POLH: variants seen among roughly 807,000 people sequenced by gnomAD.
POLH encodes DNA polymerase eta transcript.
In POLH, 53 loss-of-function variants were observed where a neutral mutation model predicts 73.6. That is an observed-to-expected ratio of 0.72 (90% CI 0.58 to 0.91). The LOEUF (loss-of-function observed/expected upper bound fraction) is 0.91. POLH is among the 40% of genes least tolerant of loss of function. POLH has a pLI of 0.00. For synonymous variants in POLH, 292 were observed against 308.5 expected, an observed-to-expected ratio of 0.95 and a Z score of 0.56; for missense variants, 768 against 865.4, an observed-to-expected ratio of 0.89 and a Z score of 1.41.
chr6:43,619,563 G>A lies in POLH; in HGVS notation c.*5006G>A, dbSNP rs1020762992. 3.9e-5 allele frequency among the ~76,000 whole-genome samples: 6 copies of A among 152,048 alleles called. No individual in the cohort carries two copies. The highest frequency in any genetic ancestry group is 2.6e-4 in the Admixed American group (4 of 15,248). ...TTACCACAATTGGGATCATAAACAT[G>A]TATAAACTCCTTGGGAGTCTGCCTT... On this transcript the variant is annotated 3_prime_UTR_variant, in exon 11 of 11. Coordinates refer to ENST00000372236, the MANE Select transcript of POLH (RefSeq NM_006502.3).
At chr6:43,611,959 G>A (rs1767933994) in intron 10 of POLH, among the ~76,000 whole-genome samples, 1 of 152,088 alleles carries the variant, frequency 6.6e-6, no homozygotes, top group African/African-American at 2.4e-5. Flanking sequence ...GGGAGGCTGA[G>A]GCAGGAGAAT....
At chr6:43,600,918 G>A (rs1341589797) in intron 5 of POLH, 70 bp from the exon 6 acceptor site, 4 of 898,744 alleles carry the variant, frequency 4.5e-6, no homozygotes, top group South Asian at 2.6e-5. Flanking sequence ...TGTATGTTAT[G>A]TGTATGTTTA....
intron 4 of POLH, among the ~76,000 whole-genome samples, chr6:43,589,986 CTGTA>C (rs1196785900): frequency 2.0e-5 from 3 of 151,630 alleles, no homozygotes; most frequent in African/African-American, 7.3e-5. Context: ...GTGATATAAT[CTGTA>C]TGAAGTGTTT....
chr6:43,601,243 C>CA (rs1335025356), intron 6 of POLH, 152 bp downstream of exon 6: 5 of 662,816 alleles, frequency 7.5e-6, no homozygotes, highest in Non-Finnish European at 1.1e-5. Context: ...TTTTGAAACA[C>CA]ACGCTGAGAC....
At position 43,614,485 on chromosome 6, in the gene POLH, C is replaced by T. The variant is rs1582326894; in HGVS notation, c.2070C>T (p.Ala690=). 1 of 1,614,040 alleles carries T rather than the reference C, an allele frequency of 6.2e-7. No individual in the cohort carries two copies. The highest frequency in any genetic ancestry group is 1.7e-5 in the Admixed American group (1 of 60,002). ...QGKRNPKSPL[A]CTNKRPRPEG... is the part of the protein sequence containing the mutation. ...AAAGAAATCCCAAGAGCCCTTTGGC[C>T]TGCACTAATAAACGCCCCAGGCCTG... Residue 690 remains alanine, a synonymous_variant, in exon 11 of 11, where the codon GCC becomes GCT. Coordinates refer to ENST00000372236, the MANE Select transcript of POLH (RefSeq NM_006502.3).
At chr6:43,600,722 A>G (rs1189611164) in intron 5 of POLH, among the ~76,000 whole-genome samples, 1 of 152,210 alleles carries the variant, frequency 6.6e-6, no homozygotes, top group Non-Finnish European at 1.5e-5. Flanking sequence ...GATGGGAAGG[A>G]AAAAATGACT....
At chr6:43,577,045 G>A (rs1561892643) in intron 1 of POLH, among the ~76,000 whole-genome samples, 1 of 152,124 alleles carries the variant, frequency 6.6e-6, no homozygotes, top group African/African-American at 2.4e-5. Context: ...CAGGCGTGGC[G>A]GTGCGCGCCT....
chr6:43,594,665 C>T (rs1378726204), intron 4 of POLH, among the ~76,000 whole-genome samples: 3 of 152,104 alleles, frequency 2.0e-5, no homozygotes, highest in Non-Finnish European at 4.4e-5. Flanking sequence ...TGCACTCTAG[C>T]CTGGGCAACA....
At chr6:43,604,063 C>T in intron 7 of POLH, 52 bp downstream of exon 7, 1 of 1,404,610 alleles carries the variant, frequency 7.1e-7, no homozygotes, top group Non-Finnish European at 1.0e-6. Context: ...ATGCTATATT[C>T]AAATATAGAC....
At chr6:43,587,775 TC>T (rs879579269) in intron 4 of POLH, among the ~76,000 whole-genome samples, 5 of 152,208 alleles carry the variant, frequency 3.3e-5, no homozygotes, top group Admixed American at 6.6e-5. Flanking sequence ...ACGCTTCTAA[TC>T]CCAGCACTTT....
rs769066476 is a variant in POLH, at chr6:43,615,523, C to T, written c.*966C>T. 1 of 152,052 alleles carries T rather than the reference C, an allele frequency of 6.6e-6. No individual in the cohort carries two copies. Among genetic ancestry groups the T allele is most frequent in the Non-Finnish European group, 1.5e-5 (1 of 68,060 alleles). 9.4% of individuals were successfully genotyped at this position (152,052 alleles called of 1,614,324 possible). On this transcript the variant is annotated 3_prime_UTR_variant, in exon 11 of 11. Transcript: ENST00000372236. ...TGAGCTGAGATCGCGCCACCGCACT[C>T]CAGCCTGGGCAACAGAGCGAGACTC... is the stretch of plus-strand genomic sequence containing the variant.
chr6:43,604,626 A>G lies in POLH; in HGVS notation c.896A>G (p.Tyr299Cys), dbSNP rs773260355. ...HFGEKNGSWL[Y>C]AMCRGIEHDP... is the part of the protein sequence containing the mutation. ...GCTGGTCTTATTAGGTCTTGGCTAT[A>G]TGCCATGTGCCGAGGGATTGAACAT... is the stretch of plus-strand genomic sequence containing the variant. Residue 299 changes from tyrosine (Y) to cysteine (C), a missense_variant, in exon 8 of 11, where the codon TAT (tyrosine) becomes TGT (cysteine). Physicochemically the swap from Tyr to Cys is radical, Grantham distance 194. Coordinates refer to ENST00000372236, the MANE Select transcript of POLH (RefSeq NM_006502.3). 2 of 1,614,122 alleles carry G rather than the reference A, an allele frequency of 1.2e-6. No homozygotes were observed. The highest frequency in any genetic ancestry group is 4.5e-5 in the East Asian group (2 of 44,870).
chr6:43,598,472 CA>C (rs965153966), intron 5 of POLH, among the ~76,000 whole-genome samples: 245 of 137,930 alleles, frequency 1.8e-3, no homozygotes, highest in Non-Finnish European at 1.6e-3. Flanking sequence ...ACTAAAAATA[CA>C]AAAAAAAAAA....
intron 4 of POLH, among the ~76,000 whole-genome samples, chr6:43,593,857 C>A (rs9333527): frequency 0.062 from 7,723 of 124,646 alleles, 300 homozygotes; most frequent in African/African-American, 0.13. Context: ...TCCAGCCTAG[C>A]AACAGAGTGA....
chr6:43,600,624 G>A (rs929108919), intron 5 of POLH, among the ~76,000 whole-genome samples: 3 of 151,954 alleles, frequency 2.0e-5, no homozygotes, highest in Admixed American at 6.6e-5. Context: ...AGTATGTTTC[G>A]GCATTTTTGT....
At position 43,620,380 on chromosome 6, in the gene POLH, C is replaced by G. The variant is rs1350378592; in HGVS notation, c.*5823C>G. Reference sequence around the variant, plus strand: ...AATGGTGAACGAGATACCAGCTGGGCTCTTTCCACATTCAGGGCTCAGCAG... The same window carrying G: ...AATGGTGAACGAGATACCAGCTGGGGTCTTTCCACATTCAGGGCTCAGCAG... On this transcript the variant is annotated 3_prime_UTR_variant, in exon 11 of 11. Coordinates refer to ENST00000372236, the MANE Select transcript of POLH (RefSeq NM_006502.3). 2.0e-6 allele frequency: 1 copy of G among 497,710 alleles called. No homozygotes were observed. Among genetic ancestry groups the G allele is most frequent in the East Asian group, 5.6e-5 (1 of 17,812 alleles). 30.8% of individuals were successfully genotyped at this position (497,710 alleles called of 1,614,324 possible). A position where few individuals can be genotyped will look rare whatever the true frequency, so the allele number is the denominator to read the frequency against.
intron 9 of POLH, among the ~76,000 whole-genome samples, chr6:43,608,293 A>G (rs2127811604): frequency 6.6e-6 from 1 of 152,268 alleles, no homozygotes; most frequent in South Asian, 2.1e-4. Context: ...TGTTTGATGC[A>G]TCCTCTTCTT....
chr6:43,595,217 G>A (rs984589491), intron 4 of POLH, among the ~76,000 whole-genome samples: 1 of 150,804 alleles, frequency 6.6e-6, no homozygotes, highest in Non-Finnish European at 1.5e-5. Context: ...TGCAACCTCC[G>A]CCTCCCGGGT....
chr6:43,601,180 T>C, intron 6 of POLH, 89 bp downstream of exon 6: 1 of 922,582 alleles, frequency 1.1e-6, no homozygotes, highest in Non-Finnish European at 1.8e-6. Flanking sequence ...AATTAAGGAC[T>C]GGAGCCAGGG....
Sources: allele counts gnomAD v4.1 joint callset (sites outside exome capture counted in the v4.1 genomes callset), GRCh38; gene constraint gnomAD v4.1.1; transcripts MANE v1.5; gene names NCBI Gene and HGNC (gene_info 2026-07-23, HGNC 2026-07-21).